The following TRIP4 variants were observed in gnomAD, a reference collection of about 807,000 sequenced individuals.
TRIP4 encodes the protein activating signal cointegrator 1.
In TRIP4, 54 loss-of-function variants were observed where a neutral mutation model predicts 81.8. That is an observed-to-expected ratio of 0.66 (90% CI 0.53 to 0.83). The LOEUF (loss-of-function observed/expected upper bound fraction) is 0.83, where lower values mean the gene tolerates loss of function less well. Ranked by LOEUF, TRIP4 falls within the 40% of genes least tolerant of loss-of-function variation. The pLI is 0.00. For missense variants in TRIP4, 662 were observed against 683.6 expected (o/e 0.97, Z 0.35); for synonymous variants, 270 against 242.8 (o/e 1.11, Z -1.04).
In TRIP4 at chr15:64,425,586, T is replaced by C; in HGVS notation, c.1530T>C (p.Cys510=). The change falls in exon 11 of 13, where the codon TGT becomes TGC. Residue 510 remains cysteine (C), a synonymous_variant. Coordinates refer to ENST00000261884, the MANE Select transcript of TRIP4 (RefSeq NM_016213.5). ...NDYPSGCLLG[C]VDLIDCLSQK... ...ATCCGTCAGGTTGTCTTCTGGGCTG[T>C]GTGGACCTAATTGACTGCTTGTCCC... The C allele has an allele frequency of 6.2e-7, 1 of 1,613,082 alleles. No individual in the cohort carries two copies. The highest frequency in any genetic ancestry group is 8.5e-7 in the Non-Finnish European group (1 of 1,179,516).
intron 12 of TRIP4, among the ~76,000 whole-genome samples, chr15:64,452,344 G>A (rs1302308895): frequency 6.6e-6 from 1 of 152,180 alleles, no homozygotes; most frequent in Non-Finnish European, 1.5e-5. Context: ...GATGCTCAAA[G>A]GATATGCCTC....
intron 6 of TRIP4, 70 bp from the exon 7 acceptor site, chr15:64,409,543 A>C: frequency 1.4e-6 from 2 of 1,441,002 alleles, no homozygotes; most frequent in Non-Finnish European, 1.9e-6. Context: ...TTACCTTGAA[A>C]CTGTTTTCCA....
At chr15:64,404,715 C>CTTGTTTGT (rs912595014) in intron 5 of TRIP4, among the ~76,000 whole-genome samples, 1 of 151,624 alleles carries the variant, frequency 6.6e-6, no homozygotes, top group African/African-American at 2.4e-5. Flanking sequence ...ACGTACTGTC[C>CTTGTTTGT]TTGTTTGTTT....
chr15:64,388,049 G>A, intron 1 of TRIP4, 85 bp downstream of exon 1: 1 of 1,450,412 alleles, frequency 6.9e-7, no homozygotes, highest in Non-Finnish European at 9.1e-7. Flanking sequence ...GGACTGAAAA[G>A]TTAAGAGAGA....
chr15:64,414,584 T>C (rs963858479), intron 8 of TRIP4, among the ~76,000 whole-genome samples: 1 of 147,040 alleles, frequency 6.8e-6, no homozygotes, highest in African/African-American at 2.5e-5. Context: ...TGGCATGATC[T>C]CGGGTCACTG....
chr15:64,403,258 G>A (rs771968959), intron 5 of TRIP4, among the ~76,000 whole-genome samples: 1 of 152,180 alleles, frequency 6.6e-6, no homozygotes, highest in Non-Finnish European at 1.5e-5. Flanking sequence ...CTGGGTTCAA[G>A]CGATTCTCCT....
chr15:64,433,349 A>C (rs890680191), intron 11 of TRIP4, among the ~76,000 whole-genome samples: 2 of 152,276 alleles, frequency 1.3e-5, no homozygotes, highest in Admixed American at 1.3e-4. Context: ...TCATCCCTAA[A>C]GTGTCAAGAG....
Position 64,387,890 on chromosome 15 carries a change from G to A in TRIP4, c.27G>A (p.Gly9=). The A allele has an allele frequency of 6.5e-7, 1 of 1,549,080 alleles. No homozygotes were observed. Among genetic ancestry groups the A allele is most frequent in the Non-Finnish European group, 8.7e-7 (1 of 1,146,946 alleles). ...TGGCGGTGGCTGGGGCGGTGTCCGG[G>A]GAGCCGCTGGTGCACTGGTGCACCC... is the stretch of plus-strand genomic sequence containing the variant. MAVAGAVS[G]EPLVHWCTQQ... is the part of the protein sequence containing the mutation. The change falls in exon 1 of 13, where the codon GGG becomes GGA. Residue 9 remains glycine, a synonymous_variant. Coordinates refer to ENST00000261884, the MANE Select transcript of TRIP4 (RefSeq NM_016213.5).
At chr15:64,424,969 G>T (rs1596351688) in intron 10 of TRIP4, among the ~76,000 whole-genome samples, 1 of 152,028 alleles carries the variant, frequency 6.6e-6, no homozygotes, top group Admixed American at 6.6e-5. Flanking sequence ...TAGAGACAGG[G>T]TTTCACCATG....
intron 1 of TRIP4, chr15:64,393,456 C>T (rs1403874750): frequency 4.0e-5 from 6 of 151,600 alleles, no homozygotes; most frequent in East Asian, 3.9e-4. Context: ...CGCGCCCGGC[C>T]GCTTATGTGT....
intron 12 of TRIP4, among the ~76,000 whole-genome samples, chr15:64,452,719 A>G (rs1451274533): frequency 1.3e-5 from 2 of 152,220 alleles, no homozygotes; most frequent in African/African-American, 4.8e-5. Flanking sequence ...TGCCTCAGGA[A>G]CAAATTATTC....
intron 9 of TRIP4, 25 bp downstream of exon 9, chr15:64,418,753 A>C: frequency 6.3e-7 from 1 of 1,582,052 alleles, no homozygotes; most frequent in Non-Finnish European, 8.6e-7. Flanking sequence ...GAATCTGGGC[A>C]GTGGAAGATC....
chr15:64,406,386 G>T lies in TRIP4; in HGVS notation c.754G>T (p.Glu252Ter), dbSNP rs1389781000. 6.2e-7 allele frequency: 1 copy of T among 1,614,036 alleles called. No individual in the cohort carries two copies. Among genetic ancestry groups the T allele is most frequent in the African/African-American group, 1.3e-5 (1 of 74,936 alleles). The change falls in exon 6 of 13, where the codon GAA becomes TAA. Residue 252 changes from glutamate to a stop codon, truncating the protein, a stop_gained. Coordinates refer to ENST00000261884, the MANE Select transcript of TRIP4 (RefSeq NM_016213.5). LOFTEE classifies it high-confidence loss of function. ...TACCAAGGACCTTCTTCCTCATCAA[G>T]AATTGCGAATTAAGTCTGGTCTGGA... Reference protein sequence around the residue: ...ISTKDLLPHQELRIKSGLEKA... With the variant: ...ISTKDLLPHQ
chr15:64,414,308 GCT>G, intron 8 of TRIP4, 97 bp downstream of exon 8: 1 of 1,512,412 alleles, frequency 6.6e-7, no homozygotes, highest in Non-Finnish European at 9.0e-7. Flanking sequence ...ATACCAATCA[GCT>G]CTCTCAATAC....
Position 64,403,480 on chromosome 15 carries a change from A to C in TRIP4, c.697+2659A>C, listed in dbSNP as rs1199185071. 2.0e-5 allele frequency among the ~76,000 whole-genome samples: 3 copies of C among 152,222 alleles called. 1 individual carries two copies. The highest frequency in any genetic ancestry group is 2.0e-4 in the Admixed American group (3 of 15,270). ...AGCAGTTAAGGACACTATTAAAAAG[A>C]AAAACAATATACTCATTACTCACTA... On this transcript the variant is annotated intron_variant, in intron 5 of 12. Transcript: ENST00000261884.
At chr15:64,422,886 G>A (rs149764950) in intron 9 of TRIP4, among the ~76,000 whole-genome samples, 1 of 152,042 alleles carries the variant, frequency 6.6e-6, no homozygotes, top group Admixed American at 6.6e-5. Flanking sequence ...TCCCCATATC[G>A]TGCACCTACT....
chr15:64,391,665 T>C (rs1224659382), intron 1 of TRIP4, among the ~76,000 whole-genome samples: 3 of 151,922 alleles, frequency 2.0e-5, no homozygotes, highest in Non-Finnish European at 4.4e-5. Flanking sequence ...TCTTCCCTGG[T>C]TGTTTGAAAA....
intron 12 of TRIP4, among the ~76,000 whole-genome samples, chr15:64,450,205 C>T (rs918553612): frequency 1.3e-5 from 2 of 151,818 alleles, no homozygotes; most frequent in African/African-American, 2.4e-5. Context: ...CTCGCTAACA[C>T]GGTGAAACCC....
chr15:64,445,231 C>T (rs189016173), intron 12 of TRIP4, 123 bp downstream of exon 12: 1 of 539,404 alleles, frequency 1.9e-6, no homozygotes, highest in East Asian at 3.2e-5. Context: ...AACCCACTAC[C>T]TTTGGATCAG....
Sources: allele counts gnomAD v4.1 joint callset (sites outside exome capture counted in the v4.1 genomes callset), GRCh38; gene constraint gnomAD v4.1.1; transcripts MANE v1.5; gene names NCBI Gene and HGNC (gene_info 2026-07-23, HGNC 2026-07-21).